CNBD1: variants seen among roughly 807,000 people sequenced by gnomAD.
CNBD1 encodes the protein cyclic nucleotide-binding domain-containing protein 1.
CNBD1 carries 71 observed loss-of-function variants against 54.4 expected under a neutral mutation model. That is an observed-to-expected ratio of 1.30 (90% confidence interval 1.08 to 1.59). CNBD1 has a LOEUF of 1.59. Among genes scored for constraint, CNBD1 ranks in the 40% most tolerant of loss-of-function variants. The probability of loss-of-function intolerance (pLI) is 0.00; values close to 1 mark genes in which losing one functional copy is unlikely to be tolerated. For missense variants in CNBD1, 659 were observed against 518.0 expected (o/e 1.27, Z -2.64); for synonymous variants, 182 against 170.7 (o/e 1.07, Z -0.51).
intron 6 of CNBD1, among the ~76,000 whole-genome samples, chr8:87,275,731 G>A (rs1033220971): frequency 6.6e-6 from 1 of 151,598 alleles, no homozygotes; most frequent in Non-Finnish European, 1.5e-5. Flanking sequence ...AGGGCAATTA[G>A]GCAGGAGAAG....
intron 8 of CNBD1, among the ~76,000 whole-genome samples, chr8:87,325,787 C>T (rs1170304800): frequency 1.3e-5 from 2 of 149,224 alleles, no homozygotes; most frequent in Non-Finnish European, 3.0e-5. Context: ...TTAATTGGAG[C>T]ATTTAGTCCA....
chr8:87,341,041 G>T (rs1266475786), intron 8 of CNBD1, among the ~76,000 whole-genome samples: 1 of 152,024 alleles, frequency 6.6e-6, no homozygotes, highest in African/African-American at 2.4e-5. Flanking sequence ...ATACAGGGAA[G>T]GACTTTTATC....
intron 3 of CNBD1, among the ~76,000 whole-genome samples, chr8:86,930,591 CAGA>C (rs1393339079): frequency 2.0e-5 from 3 of 152,166 alleles, no homozygotes; most frequent in African/African-American, 4.8e-5. Flanking sequence ...CAGAGGAATG[CAGA>C]AGAAGGCATC....
intron 4 of CNBD1, among the ~76,000 whole-genome samples, chr8:87,015,155 G>T (rs190024951): frequency 1.2e-4 from 19 of 152,254 alleles, no homozygotes; most frequent in Admixed American, 9.1e-4. Flanking sequence ...GTTAAAACAA[G>T]ATTTTATTAC....
intron 8 of CNBD1, among the ~76,000 whole-genome samples, chr8:87,303,576 G>A (rs974809672): frequency 1.3e-5 from 2 of 152,058 alleles, no homozygotes; most frequent in Non-Finnish European, 2.9e-5. Context: ...CATAGGCATG[G>A]GCAAGGTCTT....
intron 4 of CNBD1, among the ~76,000 whole-genome samples, chr8:87,075,654 G>C (rs1810854104): frequency 6.6e-6 from 1 of 152,090 alleles, no homozygotes; most frequent in Non-Finnish European, 1.5e-5. Context: ...TTTGGCCATA[G>C]CACCTGATTA....
At chr8:87,189,810 C>T (rs1563501122) in intron 4 of CNBD1, among the ~76,000 whole-genome samples, 3 of 152,138 alleles carry the variant, frequency 2.0e-5, no homozygotes, top group Admixed American at 6.6e-5. Flanking sequence ...TTATTCTGTT[C>T]ATTCATCCTT....
chr8:86,974,552 G>T (rs1808298090), intron 4 of CNBD1, among the ~76,000 whole-genome samples: 3 of 152,086 alleles, frequency 2.0e-5, no homozygotes, highest in East Asian at 3.9e-4. Context: ...CCACACAATA[G>T]AATGCTATAT....
chr8:87,148,590 A>AT (rs1244500237), intron 4 of CNBD1, among the ~76,000 whole-genome samples: 1 of 152,134 alleles, frequency 6.6e-6, no homozygotes, highest in African/African-American at 2.4e-5. Context: ...GGCATAGACT[A>AT]ACGTGCTGTG....
intron 2 of CNBD1, among the ~76,000 whole-genome samples, chr8:87,414,767 A>T (rs1807809161): frequency 7.3e-6 from 1 of 136,778 alleles, no homozygotes; most frequent in Non-Finnish European, 1.6e-5. Context: ...AAACTAAAGT[A>T]AAAAACTTGT....
intron 4 of CNBD1, among the ~76,000 whole-genome samples, chr8:86,940,260 G>A (rs1730144369): frequency 6.8e-6 from 1 of 146,822 alleles, no homozygotes; most frequent in African/African-American, 2.5e-5. Context: ...TCCGCCTCCT[G>A]GGTTCAAGTG....
intron 10 of CNBD1, among the ~76,000 whole-genome samples, chr8:87,361,093 CT>C (rs1389609450): frequency 5.9e-5 from 9 of 151,892 alleles, no homozygotes; most frequent in African/African-American, 2.2e-4. Context: ...ATACACGACT[CT>C]TTCCCCTTTT....
chr8:86,977,899 A>G (rs1317247225), intron 4 of CNBD1, among the ~76,000 whole-genome samples: 1 of 152,166 alleles, frequency 6.6e-6, no homozygotes, highest in Admixed American at 6.5e-5. Flanking sequence ...GAGTATTATC[A>G]TGATACCAAA....
chr8:87,083,034 A>G (rs796399257), intron 4 of CNBD1, among the ~76,000 whole-genome samples: 1 of 152,162 alleles, frequency 6.6e-6, no homozygotes, highest in African/African-American at 2.4e-5. Flanking sequence ...ATCTTGCCCA[A>G]ATTCCTATCT....
chr8:87,410,912 C>T (rs1176638636), intron 2 of CNBD1, among the ~76,000 whole-genome samples: 1 of 152,046 alleles, frequency 6.6e-6, no homozygotes, highest in East Asian at 1.9e-4. Flanking sequence ...TCACTGAAAG[C>T]TCGGATGATT....
At chr8:87,408,406 T>A (rs1807685526) in intron 2 of CNBD1, among the ~76,000 whole-genome samples, 1 of 152,052 alleles carries the variant, frequency 6.6e-6, no homozygotes, top group South Asian at 2.1e-4. Context: ...TGTGTGTGTG[T>A]GTGTATAGAC....
At chr8:87,045,723 T>A (rs1393621173) in intron 4 of CNBD1, among the ~76,000 whole-genome samples, 24 of 72,238 alleles carry the variant, frequency 3.3e-4, no homozygotes, top group Non-Finnish European at 4.8e-4. Context: ...AGACTCCGTC[T>A]CAAAAAAAAA....
intron 2 of CNBD1, among the ~76,000 whole-genome samples, chr8:87,400,437 T>C (rs1329063215): frequency 2.0e-5 from 3 of 151,984 alleles, no homozygotes; most frequent in Admixed American, 2.0e-4. Context: ...TTTGGTTAAA[T>C]TATTACATTC....
chr8:86,897,845 C>T (rs1808870680), intron 2 of CNBD1, among the ~76,000 whole-genome samples: 1 of 151,956 alleles, frequency 6.6e-6, no homozygotes, highest in South Asian at 2.1e-4. Context: ...ATGCCCAGTA[C>T]CCTAAAAGTA....
Sources: allele counts gnomAD v4.1 joint callset (sites outside exome capture counted in the v4.1 genomes callset), GRCh38; gene constraint gnomAD v4.1.1; transcripts MANE v1.5; gene names NCBI Gene and HGNC (gene_info 2026-07-23, HGNC 2026-07-21).